The following SDK1 variants were observed in gnomAD, a reference collection of about 807,000 sequenced individuals.
SDK1 encodes sidekick cell adhesion molecule 1.
SDK1 carries 157 observed loss-of-function variants against 245.5 expected under a neutral mutation model. The ratio of observed to expected loss-of-function variants is 0.64; its 90% CI spans 0.56 to 0.73. SDK1 has a LOEUF of 0.73. SDK1 is among the 30% of genes least tolerant of loss of function. The pLI is 0.00. For synonymous variants in SDK1, 1,647 were observed against 1,278.5 expected, an observed-to-expected ratio of 1.29 and a Z score of -6.15; for missense variants, 3,583 against 3,002.3, an observed-to-expected ratio of 1.19 and a Z score of -4.52.
intron 4 of SDK1, among the ~76,000 whole-genome samples, chr7:3,757,496 C>T (rs1001896186): frequency 5.9e-5 from 9 of 152,148 alleles, no homozygotes; most frequent in Admixed American, 2.6e-4. Context: ...TTTGGCCTCC[C>T]AAAGTGCTGG....
intron 1 of SDK1, among the ~76,000 whole-genome samples, chr7:3,305,730 C>A (rs1479804687): frequency 6.6e-6 from 1 of 152,176 alleles, no homozygotes; most frequent in African/African-American, 2.4e-5. Context: ...GGGTATTTAA[C>A]AGACAACTGG....
intron 1 of SDK1, among the ~76,000 whole-genome samples, chr7:3,554,568 CA>C (rs1452894587): frequency 6.6e-6 from 1 of 152,168 alleles, no homozygotes; most frequent in Non-Finnish European, 1.5e-5. Flanking sequence ...AAATTACCCA[CA>C]GAAAAAATCA....
Position 4,212,625 on chromosome 7 carries a change from C to T in SDK1, c.5539+2463C>T, listed in dbSNP as rs946980329. Among the ~76,000 whole-genome samples, 8 of 152,188 alleles carry T rather than the reference C, an allele frequency of 5.3e-5. 1 individual carries two copies. Among genetic ancestry groups the T allele is most frequent in the African/African-American group, 1.4e-4 (6 of 41,452 alleles). ...CAGGGGGCCTGGACGAGGCTGCCTT[C>T]GAGGTCCCACAGCAGAGGCCCAGAA... On this transcript the variant is annotated intron_variant, in intron 38 of 44. Transcript: ENST00000404826.
At chr7:3,485,854 G>A (rs1252672558) in intron 1 of SDK1, among the ~76,000 whole-genome samples, 2 of 150,874 alleles carry the variant, frequency 1.3e-5, no homozygotes, top group African/African-American at 4.9e-5. Flanking sequence ...AACATCTTAG[G>A]TTTTTAAAAA....
intron 1 of SDK1, among the ~76,000 whole-genome samples, chr7:3,549,773 G>A (rs1467422458): frequency 6.6e-6 from 1 of 152,080 alleles, no homozygotes; most frequent in African/African-American, 2.4e-5. Flanking sequence ...TCAAGGCACT[G>A]TTCTCTACCA....
At chr7:3,768,210 T>C (rs779453000) in intron 4 of SDK1, among the ~76,000 whole-genome samples, 1 of 152,190 alleles carries the variant, frequency 6.6e-6, no homozygotes, top group African/African-American at 2.4e-5. Context: ...TTGAATATAA[T>C]AGACTGCAAC....
At chr7:3,969,167 C>T in intron 10 of SDK1, 90 bp from the exon 11 acceptor site, 1 of 1,222,002 alleles carries the variant, frequency 8.2e-7, no homozygotes, top group Non-Finnish European at 1.1e-6. Context: ...CGGAGCCGAA[C>T]CATATTACTT....
rs1785634187 is a variant in SDK1, at chr7:4,229,721, G to T, written c.5828-3534G>T. ...CTTTCTTAGTCCCTTAATTTCAATGGCTTTAAGCAACACCCAGTTTATAAG... is the reference window on the plus strand; with the variant it reads ...CTTTCTTAGTCCCTTAATTTCAATGTCTTTAAGCAACACCCAGTTTATAAG... On this transcript the variant is annotated intron_variant, in intron 40 of 44. Transcript: ENST00000404826. Among the ~76,000 whole-genome samples, 3 of 152,064 alleles carry T rather than the reference G, an allele frequency of 2.0e-5. No homozygotes were observed. In the South Asian group the frequency reaches 6.2e-4, roughly 32 times the overall value.
rs141238849 is a variant in SDK1 at position 4,268,119 on chromosome 7, C to T, written c.*2735C>T. 145 of 985,880 alleles carry T rather than the reference C, an allele frequency of 1.5e-4. No homozygotes were observed. Among genetic ancestry groups the T allele is most frequent in the African/African-American group, 1.1e-3 (64 of 57,374 alleles). The allele number at this position is 985,880 out of a possible 1,614,324, so 61.1% of individuals were successfully genotyped here. A position where few individuals can be genotyped will look rare whatever the true frequency, so the allele number is the denominator to read the frequency against. The stretch of plus-strand genomic sequence containing the variant: ...GGAATGTGCTCCCGCTCTCTCCTGC[C>T]GTGCTGAAAGTCATGCCTTGCGGAT... On this transcript the variant is annotated 3_prime_UTR_variant, in exon 45 of 45. Transcript: ENST00000404826.
intron 1 of SDK1, among the ~76,000 whole-genome samples, chr7:3,474,793 C>T (rs570658176): frequency 9.2e-5 from 14 of 152,260 alleles, no homozygotes; most frequent in South Asian, 4.2e-4. Context: ...TGGGTTCAAG[C>T]GATCTTCCTA....
At chr7:3,544,950 A>G (rs1245521395) in intron 1 of SDK1, among the ~76,000 whole-genome samples, 4 of 151,848 alleles carry the variant, frequency 2.6e-5, no homozygotes, top group African/African-American at 7.3e-5. Flanking sequence ...AAACTCACGG[A>G]CTCCTGAGCC....
intron 4 of SDK1, among the ~76,000 whole-genome samples, chr7:3,700,710 A>G (rs1562380843): frequency 1.3e-5 from 2 of 152,238 alleles, no homozygotes; most frequent in African/African-American, 2.4e-5. Context: ...CCATAATTAT[A>G]GTAAGTGTAA....
chr7:3,484,327 T>A (rs989053966), intron 1 of SDK1, among the ~76,000 whole-genome samples: 10 of 152,136 alleles, frequency 6.6e-5, no homozygotes, highest in African/African-American at 2.4e-4. Flanking sequence ...AAAATACATA[T>A]TCACTGGATG....
In SDK1 at chr7:3,922,154, G is replaced by A. The variant is rs115681429; in HGVS notation, c.848-28769G>A. On this transcript the variant is annotated intron_variant, in intron 5 of 44. Coordinates refer to ENST00000404826, the MANE Select transcript of SDK1 (RefSeq NM_152744.4). ...TGGCCCCTCAGCTTCAGTGGCTGAC[G>A]GTAGTCTCTGCCTTTTAGTTAAGAC... Among the ~76,000 whole-genome samples, 495 of 152,226 alleles carry A rather than the reference G, an allele frequency of 3.3e-3. 3 individuals carry two copies. The highest frequency in any genetic ancestry group is 0.011 in the African/African-American group (464 of 41,524).
chr7:4,215,841 C>T lies in SDK1; in HGVS notation c.5540-4268C>T, dbSNP rs1784766752. Among the ~76,000 whole-genome samples the T allele has an allele frequency of 2.0e-5, 3 of 152,158 alleles. No individual in the cohort carries two copies. In the South Asian group the frequency reaches 6.2e-4, roughly 32 times the overall value. On this transcript the variant is annotated intron_variant, in intron 38 of 44. Transcript: ENST00000404826. ...TATCGGCTGGGCACTCCCACTCATC[C>T]CCCCTGCCCTGCTCCACTCCTCACC...
intron 16 of SDK1, among the ~76,000 whole-genome samples, chr7:4,015,855 T>C (rs1786353913): frequency 6.6e-6 from 1 of 152,154 alleles, no homozygotes; most frequent in African/African-American, 2.4e-5. Context: ...TTGTTTTCTA[T>C]CAAACAGGCC....
chr7:3,809,849 C>T (rs6945778), intron 4 of SDK1, among the ~76,000 whole-genome samples: 53,864 of 151,972 alleles, frequency 0.35, 11,454 homozygotes, highest in African/African-American at 0.59. Flanking sequence ...GAAAGTGAGA[C>T]ACAGAAAGCA....
At position 3,768,806 on chromosome 7, in the gene SDK1, C is replaced by T. The variant is rs186863326; in HGVS notation, c.714-52644C>T. 3.3e-5 allele frequency among the ~76,000 whole-genome samples: 5 copies of T among 152,336 alleles called. No individual in the cohort carries two copies. The East Asian group carries it at 5.8e-4, about 18-fold the overall frequency. On this transcript the variant is annotated intron_variant, in intron 4 of 44. Transcript: ENST00000404826. ...GTGTATTCCTCTGAAGTCCCTTTCT[C>T]ATTCTACCCTCTCCATGACCCAAAT...
At chr7:3,941,536 A>G (rs1430843017) in intron 5 of SDK1, among the ~76,000 whole-genome samples, 1 of 151,070 alleles carries the variant, frequency 6.6e-6, no homozygotes, top group Non-Finnish European at 1.5e-5. Flanking sequence ...CTTTTCTCCT[A>G]TTCCTGAAAT....
Sources: gnomAD v4.1 joint callset for allele counts (sites outside exome capture counted in the v4.1 genomes callset) on GRCh38, gnomAD v4.1.1 for gene constraint, MANE v1.5 for transcripts, NCBI Gene and HGNC (gene_info 2026-07-23, HGNC 2026-07-21) for gene names.